The following SMYD3 variants were observed in gnomAD, a reference collection of about 807,000 sequenced individuals.
SMYD3 encodes the protein histone-lysine N-methyltransferase SMYD3.
In SMYD3, 36 loss-of-function variants were observed where a neutral mutation model predicts 57.7. That is an observed-to-expected ratio of 0.62 (90% CI 0.48 to 0.82). SMYD3 has a LOEUF of 0.82. SMYD3 is among the 40% of genes least tolerant of loss of function. The pLI is 0.00. For missense variants in SMYD3, 515 were observed against 538.8 expected (o/e 0.96, Z 0.44); for synonymous variants, 211 against 195.0 (o/e 1.08, Z -0.68).
At chr1:246,395,608 C>T (rs1379021351) in intron 1 of SMYD3, among the ~76,000 whole-genome samples, 2 of 33,930 alleles carry the variant, frequency 5.9e-5, no homozygotes, top group Non-Finnish European at 1.4e-4. Flanking sequence ...GGAAGAGGAA[C>T]CCACCATGGC....
chr1:246,384,477 C>G (rs574168367), intron 1 of SMYD3, among the ~76,000 whole-genome samples: 5 of 152,038 alleles, frequency 3.3e-5, no homozygotes, highest in African/African-American at 7.2e-5. Flanking sequence ...CTCACTGCAA[C>G]CTCCGCCACC....
intron 5 of SMYD3, among the ~76,000 whole-genome samples, chr1:246,050,590 C>T (rs2060050166): frequency 6.6e-6 from 1 of 152,166 alleles, no homozygotes; most frequent in African/African-American, 2.4e-5. Context: ...CTAGGCCAGA[C>T]ATGATGAAGA....
chr1:246,247,679 C>T (rs2063731534), intron 5 of SMYD3, among the ~76,000 whole-genome samples: 1 of 151,958 alleles, frequency 6.6e-6, no homozygotes, highest in African/African-American at 2.4e-5. Flanking sequence ...TTTCCCACAC[C>T]TAAAAGAGGC....
intron 10 of SMYD3, among the ~76,000 whole-genome samples, chr1:245,806,685 T>A (rs544382289): frequency 1.4e-5 from 2 of 145,522 alleles, no homozygotes; most frequent in Non-Finnish European, 1.5e-5. Flanking sequence ...CCGAGGCGGG[T>A]GGATCATGAG....
Position 246,095,428 on chromosome 1 carries a change from C to T in SMYD3, c.532-165491G>A, listed in dbSNP as rs148802686. Among the ~76,000 whole-genome samples the T allele has an allele frequency of 2.2e-4, 34 of 152,302 alleles. No homozygotes were observed. The East Asian group carries it at 6.2e-3, about 28-fold the overall frequency. ...AAACAACACAGCAGAGGAGTCAGCA[C>T]GCAAATGTAATATGCAACGATAAGG... On this transcript the variant is annotated intron_variant, in intron 5 of 11. Coordinates refer to ENST00000490107, the MANE Select transcript of SMYD3 (RefSeq NM_001167740.2).
chr1:245,794,403 C>G (rs1007020808), intron 10 of SMYD3, among the ~76,000 whole-genome samples: 1 of 152,200 alleles, frequency 6.6e-6, no homozygotes, highest in Non-Finnish European at 1.5e-5. Flanking sequence ...TCCACGTGAC[C>G]TGACGTCACT....
chr1:246,101,242 A>G (rs1457848644), intron 5 of SMYD3, among the ~76,000 whole-genome samples: 5 of 152,168 alleles, frequency 3.3e-5, no homozygotes, highest in African/African-American at 1.2e-4. Flanking sequence ...CAATGCTAGT[A>G]TGACCCTTTA....
At chr1:245,999,717 T>G (rs1395956280) in intron 5 of SMYD3, among the ~76,000 whole-genome samples, 1 of 152,188 alleles carries the variant, frequency 6.6e-6, no homozygotes, top group Non-Finnish European at 1.5e-5. Context: ...CATACTGCAT[T>G]CTTATTTCAA....
chr1:246,385,208 ATACT>A (rs2066454291), intron 1 of SMYD3, among the ~76,000 whole-genome samples: 1 of 152,214 alleles, frequency 6.6e-6, no homozygotes, highest in Admixed American at 6.5e-5. Context: ...GCATAACACA[ATACT>A]TACTTGAAAA....
At chr1:245,799,838 A>G (rs529909806) in intron 10 of SMYD3, among the ~76,000 whole-genome samples, 1 of 152,192 alleles carries the variant, frequency 6.6e-6, no homozygotes, top group South Asian at 2.1e-4. Flanking sequence ...AATTCACACC[A>G]ATGAACCAGT....
rs568260675 is a variant in SMYD3 at position 245,816,988 on chromosome 1, C to T, written c.1076+41508G>A. Among the ~76,000 whole-genome samples the T allele has an allele frequency of 2.6e-4, 40 of 151,640 alleles. No homozygotes were observed. The East Asian group carries it at 6.0e-3, about 23-fold the overall frequency. ...CTGGGGGAGGGGCGCCCGCCATTGC[C>T]CAGGCTTGCTTAGGTAAACAAAGCA... On this transcript the variant is annotated intron_variant, in intron 10 of 11. Coordinates refer to ENST00000490107, the MANE Select transcript of SMYD3 (RefSeq NM_001167740.2).
rs143824646 is a variant in SMYD3 at position 246,184,563 on chromosome 1, T to TA, written c.531+142637dup. Among the ~76,000 whole-genome samples, 551 of 152,284 alleles carry TA rather than the reference T, an allele frequency of 3.6e-3. 11 individuals carry two copies. In the East Asian group the frequency reaches 0.049, roughly 13 times the overall value. On this transcript the variant is annotated intron_variant, in intron 5 of 11. Coordinates refer to ENST00000490107, the MANE Select transcript of SMYD3 (RefSeq NM_001167740.2). The stretch of plus-strand genomic sequence containing the variant: ...AATGTTTGTGTCCTCCCAAAATTCT[T>TA]ACGTTGCAGCCCTAACCCTCTGATT...
At position 246,250,046 on chromosome 1, in the gene SMYD3, CCTCCCCCT is replaced by C. The variant is rs950388257; in HGVS notation, c.531+77147_531+77154del. Among the ~76,000 whole-genome samples the C allele has an allele frequency of 2.0e-5, 3 of 152,092 alleles. No individual in the cohort carries two copies. The East Asian group carries it at 5.8e-4, about 29-fold the overall frequency. ...GAATAAATTCAAACGCATTCCTTTC[CCTCCCCCT>C]CTCTTGATATATACCTGCAAAACTG... On this transcript the variant is annotated intron_variant, in intron 5 of 11. Coordinates refer to ENST00000490107, the MANE Select transcript of SMYD3 (RefSeq NM_001167740.2).
chr1:246,345,118 C>T (rs187510331), intron 2 of SMYD3, among the ~76,000 whole-genome samples: 163 of 152,194 alleles, frequency 1.1e-3, no homozygotes, highest in East Asian at 1.2e-3. Context: ...AGGCTTAGTG[C>T]TTTCTGTGTT....
intron 1 of SMYD3, among the ~76,000 whole-genome samples, chr1:246,375,325 CTTTTT>C (rs60882470): frequency 0.016 from 977 of 62,264 alleles, 19 homozygotes; most frequent in East Asian, 0.041. Flanking sequence ...TAATGAGAGA[CTTTTT>C]TTTTTTTTTT....
chr1:246,415,184 G>A (rs1490673507), intron 1 of SMYD3, among the ~76,000 whole-genome samples: 1 of 152,182 alleles, frequency 6.6e-6, no homozygotes, highest in Non-Finnish European at 1.5e-5. Context: ...CCCTGGAATT[G>A]TTAACACAGA....
chr1:245,962,815 GATATTTTAAACAGGC>G (rs1236232415), intron 5 of SMYD3, among the ~76,000 whole-genome samples: 3 of 125,502 alleles, frequency 2.4e-5, no homozygotes, highest in Non-Finnish European at 3.6e-5. Context: ...GCTTACTTCT[GATATTTTAAACAGGC>G]AACAAAAAAG....
intron 2 of SMYD3, among the ~76,000 whole-genome samples, chr1:246,344,641 CA>C (rs1309167870): frequency 2.0e-5 from 3 of 152,180 alleles, no homozygotes; most frequent in Non-Finnish European, 4.4e-5. Flanking sequence ...AACATTATTA[CA>C]AACTACTAAA....
intron 10 of SMYD3, among the ~76,000 whole-genome samples, chr1:245,843,351 A>G (rs2050495000): frequency 6.6e-6 from 1 of 152,180 alleles, no homozygotes; most frequent in African/African-American, 2.4e-5. Flanking sequence ...GCTACCCAGC[A>G]TAGCTACAGC....
Sources: gnomAD v4.1 joint callset for allele counts (sites outside exome capture counted in the v4.1 genomes callset) on GRCh38, gnomAD v4.1.1 for gene constraint, MANE v1.5 for transcripts, NCBI Gene and HGNC (gene_info 2026-07-23, HGNC 2026-07-21) for gene names.